KCNQ3: variants seen among roughly 807,000 people sequenced by gnomAD.
KCNQ3 encodes potassium voltage-gated channel subfamily Q member 3.
KCNQ3 carries 30 observed loss-of-function variants against 92.5 expected under a neutral mutation model. The ratio of observed to expected loss-of-function variants is 0.32; its 90% CI spans 0.24 to 0.44. The LOEUF is 0.44. Among genes scored for constraint, KCNQ3 ranks in the 20% least tolerant of loss-of-function variants. The pLI, the probability that KCNQ3 is intolerant of heterozygous loss-of-function variation, is 1.00. For missense variants in KCNQ3, 913 were observed against 1,140.3 expected (o/e 0.80, Z 2.87); for synonymous variants, 450 against 468.8 (o/e 0.96, Z 0.52).
intron 1 of KCNQ3, among the ~76,000 whole-genome samples, chr8:132,380,712 T>C (rs1389453867): frequency 7.3e-6 from 1 of 136,398 alleles, no homozygotes; most frequent in African/African-American, 2.7e-5. Flanking sequence ...CACAGCTGAG[T>C]GAGAGAAAAT....
At chr8:132,474,475 AAAGC>A (rs1378169609) in intron 1 of KCNQ3, among the ~76,000 whole-genome samples, 1 of 152,186 alleles carries the variant, frequency 6.6e-6, no homozygotes, top group Admixed American at 6.5e-5. Flanking sequence ...CACTCAAGTT[AAAGC>A]ATGGTCTCCA....
rs1824726289 is a variant in KCNQ3 at position 132,128,006 on chromosome 8, T to A, written c.*1256A>T. The A allele has an allele frequency of 6.6e-6, 1 of 152,262 alleles. No individual in the cohort carries two copies. The highest frequency in any genetic ancestry group is 2.4e-5 in the African/African-American group (1 of 41,474). The allele number at this position is 152,262 out of a possible 1,614,324, so 9.4% of individuals were successfully genotyped here. ...ATCTGTAAATGTAGCTTGCTTGCAT[T>A]ATTTTTTTCTAGATCTGAAATGCAT... On this transcript the variant is annotated 3_prime_UTR_variant, in exon 15 of 15. Coordinates refer to ENST00000388996, the MANE Select transcript of KCNQ3 (RefSeq NM_004519.4).
At chr8:132,175,915 C>T (rs965414797) in intron 4 of KCNQ3, among the ~76,000 whole-genome samples, 6 of 152,190 alleles carry the variant, frequency 3.9e-5, no homozygotes, top group African/African-American at 1.2e-4. Context: ...GAGGAAGTGG[C>T]TCCTTCTTCT....
At chr8:132,196,340 C>T (rs1031955216) in intron 1 of KCNQ3, among the ~76,000 whole-genome samples, 2 of 152,202 alleles carry the variant, frequency 1.3e-5, no homozygotes, top group African/African-American at 4.8e-5. Context: ...TCTTGTTCAC[C>T]AGTCAACATT....
intron 2 of KCNQ3, among the ~76,000 whole-genome samples, chr8:132,185,563 C>A (rs1439284363): frequency 6.6e-6 from 1 of 152,236 alleles, no homozygotes; most frequent in Non-Finnish European, 1.5e-5. Flanking sequence ...AGCTGACTTG[C>A]CCAAGAATTC....
At chr8:132,177,886 A>G (rs894449954) in intron 4 of KCNQ3, among the ~76,000 whole-genome samples, 6 of 152,228 alleles carry the variant, frequency 3.9e-5, no homozygotes, top group Admixed American at 1.3e-4. Flanking sequence ...GGGAGGACTC[A>G]CAACATGTAC....
At chr8:132,269,439 G>C (rs967447202) in intron 1 of KCNQ3, among the ~76,000 whole-genome samples, 3 of 152,034 alleles carry the variant, frequency 2.0e-5, no homozygotes, top group African/African-American at 7.2e-5. Flanking sequence ...CTGGATCTCT[G>C]GTTGTTTCAG....
At chr8:132,361,415 C>A (rs73708407) in intron 1 of KCNQ3, among the ~76,000 whole-genome samples, 6,082 of 152,262 alleles carry the variant, frequency 0.04, 355 homozygotes, top group African/African-American at 0.13. Flanking sequence ...CTTTAATGTA[C>A]TGACCTTTTA....
At chr8:132,256,419 A>G (rs1455572946) in intron 1 of KCNQ3, among the ~76,000 whole-genome samples, 1 of 152,196 alleles carries the variant, frequency 6.6e-6, no homozygotes, top group Non-Finnish European at 1.5e-5. Flanking sequence ...GAGAGGAGAT[A>G]GAGGAAGGGT....
intron 1 of KCNQ3, among the ~76,000 whole-genome samples, chr8:132,308,775 T>C (rs1403196685): frequency 6.6e-6 from 1 of 152,152 alleles, no homozygotes; most frequent in Non-Finnish European, 1.5e-5. Flanking sequence ...TCATCCCCAC[T>C]TTAACAATGG....
rs141194116 is a variant in KCNQ3 at position 132,206,816 on chromosome 8, T to C, written c.387-20635A>G. On this transcript the variant is annotated intron_variant, in intron 1 of 14. Transcript: ENST00000388996. ...CTTTTTCTTTCATCGATCTTTTGTG[T>C]TATTTTTTCATTTCAGTTTCATTTA... Among the ~76,000 whole-genome samples the C allele has an allele frequency of 4.6e-4, 70 of 152,340 alleles. No individual in the cohort carries two copies. The East Asian group carries it at 0.012, about 26-fold the overall frequency.
At chr8:132,268,570 T>C (rs945888692) in intron 1 of KCNQ3, among the ~76,000 whole-genome samples, 1 of 152,252 alleles carries the variant, frequency 6.6e-6, no homozygotes, top group Non-Finnish European at 1.5e-5. Context: ...CTCATTTCTT[T>C]CTAGTGCTAA....
intron 1 of KCNQ3, among the ~76,000 whole-genome samples, chr8:132,269,273 A>G (rs947782898): frequency 2.0e-5 from 3 of 152,234 alleles, no homozygotes; most frequent in Admixed American, 2.0e-4. Context: ...TGCATTAAAA[A>G]ATCATTACCA....
At chr8:132,329,159 G>A (rs928784300) in intron 1 of KCNQ3, among the ~76,000 whole-genome samples, 4 of 152,154 alleles carry the variant, frequency 2.6e-5, no homozygotes, top group Non-Finnish European at 4.4e-5. Flanking sequence ...AGGTAACGCC[G>A]GGAGATCTGC....
chr8:132,321,131 G>A (rs1817881741), intron 1 of KCNQ3, among the ~76,000 whole-genome samples: 1 of 152,178 alleles, frequency 6.6e-6, no homozygotes, highest in African/African-American at 2.4e-5. Flanking sequence ...TAGTTGATTG[G>A]TTTGGAACAT....
intron 1 of KCNQ3, among the ~76,000 whole-genome samples, chr8:132,332,553 C>T (rs1270141945): frequency 6.6e-6 from 1 of 152,212 alleles, no homozygotes; most frequent in African/African-American, 2.4e-5. Context: ...AAGTTGGTGA[C>T]CTAACAGTGG....
intron 4 of KCNQ3, among the ~76,000 whole-genome samples, chr8:132,178,021 T>C (rs1826625676): frequency 6.6e-6 from 1 of 152,240 alleles, no homozygotes; most frequent in African/African-American, 2.4e-5. Flanking sequence ...CAAATCCATA[T>C]ATACTGAGGA....
At chr8:132,297,718 C>CGAAAGGTCATTTCTGCCTCGTT (rs1378567385) in intron 1 of KCNQ3, among the ~76,000 whole-genome samples, 1 of 34,376 alleles carries the variant, frequency 2.9e-5, no homozygotes. Context: ...CATGACAAGT[C>CGAAAGGTCATTTCTGCCTCGTT]CACTGTGGAT....
chr8:132,265,637 C>T (rs1044987160), intron 1 of KCNQ3, among the ~76,000 whole-genome samples: 1 of 152,164 alleles, frequency 6.6e-6, no homozygotes, highest in African/African-American at 2.4e-5. Flanking sequence ...CATTCTGCAT[C>T]AGTATGGCAG....
Sources: allele counts gnomAD v4.1 joint callset (sites outside exome capture counted in the v4.1 genomes callset), GRCh38; gene constraint gnomAD v4.1.1; transcripts MANE v1.5; gene names NCBI Gene and HGNC (gene_info 2026-07-23, HGNC 2026-07-21).